Variants in PHF21A observed in about 807,000 individuals in gnomAD.
PHF21A encodes the protein BHC80a.
PHF21A carries 11 observed loss-of-function variants against 82.5 expected under a neutral mutation model. The ratio of observed to expected loss-of-function variants is 0.13; its 90% confidence interval spans 0.08 to 0.22. The LOEUF is 0.22. PHF21A is among the 10% of genes least tolerant of loss of function. The probability of loss-of-function intolerance (pLI) is 1.00; values close to 1 mark genes in which losing one functional copy is unlikely to be tolerated. For missense variants in PHF21A, 579 were observed against 837.8 expected (o/e 0.69, Z 3.81); for synonymous variants, 297 against 302.8 (o/e 0.98, Z 0.20).
intron 6 of PHF21A, among the ~76,000 whole-genome samples, chr11:46,033,269 T>C (rs1210331647): frequency 6.6e-6 from 1 of 152,162 alleles, no homozygotes; most frequent in African/African-American, 2.4e-5. Context: ...GTTGTTAGTA[T>C]TATTGTTGTT....
At chr11:46,036,618 T>G (rs2096009591) in intron 6 of PHF21A, among the ~76,000 whole-genome samples, 1 of 152,228 alleles carries the variant, frequency 6.6e-6, no homozygotes, top group Non-Finnish European at 1.5e-5. Context: ...GGTATACATT[T>G]CTTGTGAAGT....
intron 6 of PHF21A, among the ~76,000 whole-genome samples, chr11:46,026,447 T>A (rs907133303): frequency 6.6e-6 from 1 of 152,202 alleles, no homozygotes; most frequent in Non-Finnish European, 1.5e-5. Flanking sequence ...GTGTCAAGGT[T>A]ATTTTTATTA....
intron 6 of PHF21A, among the ~76,000 whole-genome samples, chr11:46,003,561 TGAC>T (rs1458399987): frequency 2.0e-5 from 3 of 152,136 alleles, no homozygotes; most frequent in Non-Finnish European, 2.9e-5. Flanking sequence ...ATAATGATGA[TGAC>T]ATTTTCACGA....
At chr11:46,037,640 C>CAAAAAAA (rs1000939610) in intron 6 of PHF21A, among the ~76,000 whole-genome samples, 2 of 59,058 alleles carry the variant, frequency 3.4e-5, no homozygotes, top group African/African-American at 5.3e-5. Context: ...AACGTCATCT[C>CAAAAAAA]AAAAAAAAAA....
At chr11:46,099,849 T>C (rs868464795) in intron 1 of PHF21A, among the ~76,000 whole-genome samples, 11 of 152,188 alleles carry the variant, frequency 7.2e-5, no homozygotes, top group African/African-American at 2.7e-4. Flanking sequence ...TCTCTGACTA[T>C]ACAGGTTTAG....
intron 6 of PHF21A, among the ~76,000 whole-genome samples, chr11:46,063,054 T>C (rs912984138): frequency 6.6e-6 from 1 of 152,190 alleles, no homozygotes; most frequent in African/African-American, 2.4e-5. Flanking sequence ...TCAAGGTGTA[T>C]CATTTATTTT....
intron 10 of PHF21A, among the ~76,000 whole-genome samples, chr11:45,959,586 AG>A (rs2092948594): frequency 6.6e-6 from 1 of 152,214 alleles, no homozygotes; most frequent in African/African-American, 2.4e-5. Flanking sequence ...CAAATTGGAA[AG>A]GAAGATGTAA....
chr11:46,048,535 C>A (rs1031222622), intron 6 of PHF21A, among the ~76,000 whole-genome samples: 6 of 151,832 alleles, frequency 4.0e-5, no homozygotes, highest in Admixed American at 3.3e-4. Flanking sequence ...TTTGGGAGGC[C>A]GAGGCAGGCA....
intron 6 of PHF21A, among the ~76,000 whole-genome samples, chr11:46,050,537 G>A (rs2139133211): frequency 6.6e-6 from 1 of 152,316 alleles, no homozygotes; most frequent in South Asian, 2.1e-4. Flanking sequence ...AATTCTGCCA[G>A]CATGTTACTT....
At chr11:46,017,082 T>C (rs2095531968) in intron 6 of PHF21A, among the ~76,000 whole-genome samples, 1 of 152,122 alleles carries the variant, frequency 6.6e-6, no homozygotes, top group African/African-American at 2.4e-5. Flanking sequence ...GCGATTCTCC[T>C]GCCTCAGCCT....
chr11:46,085,600 G>GA (rs1437822605), intron 3 of PHF21A, among the ~76,000 whole-genome samples: 59 of 152,216 alleles, frequency 3.9e-4, no homozygotes, highest in Non-Finnish European at 3.4e-4. Context: ...CTTGTAGCTA[G>GA]AGCAGCTTTT....
At chr11:45,976,255 G>A (rs1169721180) in intron 7 of PHF21A, among the ~76,000 whole-genome samples, 8 of 152,000 alleles carry the variant, frequency 5.3e-5, no homozygotes, top group Non-Finnish European at 1.0e-4. Context: ...ATCTGACAGG[G>A]CCCTGCTCAG....
At chr11:46,082,361 T>TAC (rs2096802471) in intron 4 of PHF21A, among the ~76,000 whole-genome samples, 2 of 152,196 alleles carry the variant, frequency 1.3e-5, no homozygotes, top group Admixed American at 1.3e-4. Flanking sequence ...CCAACACCCC[T>TAC]ACCTTGATGT....
At chr11:46,052,056 C>G (rs1233018557) in intron 6 of PHF21A, among the ~76,000 whole-genome samples, 2 of 152,104 alleles carry the variant, frequency 1.3e-5, no homozygotes, top group East Asian at 3.9e-4. Flanking sequence ...TGAGATGATC[C>G]AGGAGTAGCA....
chr11:45,934,289 T>G, intron 18 of PHF21A, 64 bp from the exon 19 acceptor site: 2 of 1,521,106 alleles, frequency 1.3e-6, no homozygotes, highest in Non-Finnish European at 1.8e-6. Context: ...TGGCAGCCCC[T>G]AAGAGCAGAG....
At chr11:46,016,448 C>A (rs768693677) in intron 6 of PHF21A, among the ~76,000 whole-genome samples, 2 of 152,158 alleles carry the variant, frequency 1.3e-5, no homozygotes, top group African/African-American at 4.8e-5. Flanking sequence ...TGCCTCTGTA[C>A]CTTTGCCTTT....
intron 6 of PHF21A, among the ~76,000 whole-genome samples, chr11:46,071,694 A>G (rs1350814619): frequency 1.3e-5 from 2 of 151,072 alleles, no homozygotes; most frequent in Non-Finnish European, 1.5e-5. Flanking sequence ...ACGCATTCAT[A>G]TAAAAGGGTA....
chr11:46,037,111 T>C (rs2096021167), intron 6 of PHF21A, among the ~76,000 whole-genome samples: 1 of 152,222 alleles, frequency 6.6e-6, no homozygotes, highest in South Asian at 2.1e-4. Flanking sequence ...TTTATTTTGT[T>C]GATCTCAAAG....
intron 6 of PHF21A, among the ~76,000 whole-genome samples, chr11:46,000,896 G>A (rs1222595444): frequency 6.6e-6 from 1 of 151,300 alleles, no homozygotes; most frequent in African/African-American, 2.4e-5. Flanking sequence ...CTCCAGCCTG[G>A]GCAACAAAAG....
Sources: gnomAD v4.1 joint callset for allele counts (sites outside exome capture counted in the v4.1 genomes callset) on GRCh38, gnomAD v4.1.1 for gene constraint, MANE v1.5 for transcripts, NCBI Gene and HGNC (gene_info 2026-07-23, HGNC 2026-07-21) for gene names.